GRIN2B: variants seen among roughly 807,000 people sequenced by gnomAD.
GRIN2B encodes glutamate ionotropic receptor NMDA type subunit 2B, also known as glutamate receptor ionotropic, NMDA 2B.
GRIN2B carries 5 observed loss-of-function variants against 114.5 expected under a neutral mutation model. The ratio of observed to expected loss-of-function variants is 0.04; its 90% CI spans 0.02 to 0.09. The LOEUF is 0.09. GRIN2B is among the 10% of genes least tolerant of loss of function. GRIN2B has a pLI of 1.00. For synonymous variants in GRIN2B, 787 were observed against 745.1 expected, an observed-to-expected ratio of 1.06 and a Z score of -0.92; for missense variants, 1,108 against 1,943.5, an observed-to-expected ratio of 0.57 and a Z score of 8.08.
intron 3 of GRIN2B, among the ~76,000 whole-genome samples, chr12:13,859,496 C>A (rs775261376): frequency 6.6e-6 from 1 of 152,202 alleles, no homozygotes; most frequent in African/African-American, 2.4e-5. Context: ...TACATCACTA[C>A]AAAGTTTCCA....
intron 10 of GRIN2B, among the ~76,000 whole-genome samples, chr12:13,577,080 T>C (rs1948786330): frequency 6.6e-6 from 1 of 152,178 alleles, no homozygotes; most frequent in South Asian, 2.1e-4. Context: ...CCCCTGAGTA[T>C]GGCCTTCCTT....
rs1339869338 is a variant in GRIN2B, at chr12:13,541,339, A to G, written c.*21444T>C. ...CTCACTTCCCACAAATTCCTTTAACAAATAGGCGTACCCAGGTTACCCCAT... is the reference window on the plus strand; with the variant it reads ...CTCACTTCCCACAAATTCCTTTAACGAATAGGCGTACCCAGGTTACCCCAT... On this transcript the variant is annotated 3_prime_UTR_variant, in exon 14 of 14. Transcript: ENST00000609686. The G allele has an allele frequency of 6.6e-6, 1 of 152,186 alleles. No homozygotes were observed. Among genetic ancestry groups the G allele is most frequent in the East Asian group, 1.9e-4 (1 of 5,188 alleles). 9.4% of individuals were successfully genotyped at this position (152,186 alleles called of 1,614,324 possible). A position where few individuals can be genotyped will look rare whatever the true frequency, so the allele number is the denominator to read the frequency against.
At chr12:13,780,286 T>TA (rs542023307) in intron 3 of GRIN2B, among the ~76,000 whole-genome samples, 2,418 of 145,686 alleles carry the variant, frequency 0.017, 69 homozygotes, top group African/African-American at 0.056. Context: ...TAGAGCTATT[T>TA]AAAAAAAAAA....
At chr12:13,653,403 A>G (rs1430487186) in intron 5 of GRIN2B, among the ~76,000 whole-genome samples, 1 of 152,096 alleles carries the variant, frequency 6.6e-6, no homozygotes, top group Non-Finnish European at 1.5e-5. Flanking sequence ...TTTGAAAGGC[A>G]TTACTTTTAG....
chr12:13,587,798 T>G (rs918093), intron 10 of GRIN2B, among the ~76,000 whole-genome samples: 151,546 of 152,332 alleles, frequency 0.99, 75,384 homozygotes, highest in Middle Eastern at 1. Context: ...GAAGAAATAG[T>G]ATTACTGGTA....
intron 2 of GRIN2B, among the ~76,000 whole-genome samples, chr12:13,966,070 A>T (rs1258916787): frequency 6.6e-6 from 1 of 152,178 alleles, no homozygotes; most frequent in African/African-American, 2.4e-5. Flanking sequence ...CTTGAATTCT[A>T]GGTTTTTCTT....
intron 3 of GRIN2B, among the ~76,000 whole-genome samples, chr12:13,832,305 A>G (rs74693366): frequency 8.1e-4 from 124 of 152,332 alleles, no homozygotes; most frequent in African/African-American, 2.8e-3. Flanking sequence ...GTCTATATGT[A>G]ATCTGCTTTA....
chr12:13,776,870 T>G (rs898323562), intron 3 of GRIN2B, among the ~76,000 whole-genome samples: 1 of 152,152 alleles, frequency 6.6e-6, no homozygotes, highest in African/African-American at 2.4e-5. Context: ...ATTAATACAT[T>G]TATTATTTTA....
chr12:13,927,318 G>A (rs755774620), intron 2 of GRIN2B, among the ~76,000 whole-genome samples: 8 of 152,078 alleles, frequency 5.3e-5, no homozygotes, highest in Admixed American at 4.6e-4. Context: ...AGCTGCTATC[G>A]GGGGTTTAAT....
chr12:13,675,729 CA>C lies in GRIN2B; in HGVS notation c.1125+15del. The C allele has an allele frequency of 6.8e-7, 1 of 1,461,078 alleles. No homozygotes were observed. Among genetic ancestry groups the C allele is most frequent in the Non-Finnish European group, 9.6e-7 (1 of 1,040,472 alleles). 90.5% of individuals were successfully genotyped at this position (1,461,078 alleles called of 1,614,324 possible). On this transcript the variant is annotated intron_variant, in intron 5 of 13. Transcript: ENST00000609686. ...CTACTCTACTTTGCTCAAGAATTGT[CA>C]AAGACATGTCTTACCCTTTCCCACT...
At chr12:13,794,892 G>T (rs536601603) in intron 3 of GRIN2B, among the ~76,000 whole-genome samples, 1 of 152,312 alleles carries the variant, frequency 6.6e-6, no homozygotes, top group South Asian at 2.1e-4. Context: ...AGACTGCACT[G>T]CAGGTGTGTG....
At position 13,630,160 on chromosome 12, in the gene GRIN2B, G is replaced by A. The variant is rs141153473; in HGVS notation, c.1126-13503C>T. On this transcript the variant is annotated intron_variant, in intron 5 of 13. Coordinates refer to ENST00000609686, the MANE Select transcript of GRIN2B (RefSeq NM_000834.5). Reference sequence around the variant, plus strand: ...ATAAATGTTAGCTAAACACATAACAGCAAGATTTCAAAAGGGGAACCTGCT... The same window carrying A: ...ATAAATGTTAGCTAAACACATAACAACAAGATTTCAAAAGGGGAACCTGCT... Among the ~76,000 whole-genome samples, 4 of 152,258 alleles carry A rather than the reference G, an allele frequency of 2.6e-5. No individual in the cohort carries two copies. The East Asian group carries it at 7.7e-4, about 29-fold the overall frequency.
At chr12:13,843,669 AGAATCATGT>A (rs1208276813) in intron 3 of GRIN2B, among the ~76,000 whole-genome samples, 1 of 152,190 alleles carries the variant, frequency 6.6e-6, no homozygotes, top group Non-Finnish European at 1.5e-5. Context: ...CAACATTCTA[AGAATCATGT>A]ACAATTATTA....
In GRIN2B at chr12:13,753,947, G is replaced by A. The variant is rs772172878; in HGVS notation, c.412-32C>T. On this transcript the variant is annotated intron_variant, in intron 3 of 13. Coordinates refer to ENST00000609686, the MANE Select transcript of GRIN2B (RefSeq NM_000834.5). The surrounding 1 kb of genome is among the most constrained non-coding windows in gnomAD (Gnocchi z 6.2). ...AAAGAACAGGACAAAAAAAGGAAGA[G>A]AGAAAAAAATCAAACCAAAGATGGT... The A allele has an allele frequency of 1.4e-6, 2 of 1,456,548 alleles. No individual in the cohort carries two copies. The highest frequency in any genetic ancestry group is 2.3e-5 in the South Asian group (2 of 87,172). 90.2% of individuals were successfully genotyped at this position (1,456,548 alleles called of 1,614,324 possible).
intron 4 of GRIN2B, among the ~76,000 whole-genome samples, chr12:13,702,935 C>G (rs184463060): frequency 2.0e-5 from 3 of 152,270 alleles, no homozygotes; most frequent in East Asian, 3.9e-4. Context: ...GGGCACTGCA[C>G]AAACTTAGAA....
At chr12:13,808,313 C>G (rs190455321) in intron 3 of GRIN2B, among the ~76,000 whole-genome samples, 1 of 152,056 alleles carries the variant, frequency 6.6e-6, no homozygotes, top group African/African-American at 2.4e-5. Context: ...GGACCTGATC[C>G]CAATTCACAC....
intron 4 of GRIN2B, among the ~76,000 whole-genome samples, chr12:13,705,874 T>A (rs1054128635): frequency 7.2e-5 from 11 of 151,946 alleles, no homozygotes; most frequent in Admixed American, 5.2e-4. Context: ...GTGACGAGAG[T>A]TTGGCTTCAC....
At chr12:13,766,843 C>A (rs1258488578) in intron 3 of GRIN2B, among the ~76,000 whole-genome samples, 6 of 152,146 alleles carry the variant, frequency 3.9e-5, no homozygotes, top group Admixed American at 3.9e-4. Context: ...CCTTTTTCCT[C>A]TAGCCTTCCG....
chr12:13,948,426 C>T (rs1175006563), intron 2 of GRIN2B, among the ~76,000 whole-genome samples: 1 of 152,092 alleles, frequency 6.6e-6, no homozygotes, highest in East Asian at 1.9e-4. Flanking sequence ...GCAAGGAAGT[C>T]CTATTTTTCT....
Sources: gnomAD v4.1 joint callset for allele counts (sites outside exome capture counted in the v4.1 genomes callset) on GRCh38, gnomAD v4.1.1 for gene constraint, Gnocchi (gnomAD v3.1) non-coding constraint, MANE v1.5 for transcripts, NCBI Gene and HGNC (gene_info 2026-07-23, HGNC 2026-07-21) for gene names.